BPTF: variants seen among roughly 807,000 people sequenced by gnomAD.
The protein encoded by BPTF is bromodomain PHD finger transcription factor.
Under a neutral mutation model 292.5 loss-of-function variants are expected in BPTF, and 18 were observed. The observed-to-expected ratio is 0.06, with a 90% CI of 0.04 to 0.09. BPTF has a LOEUF of 0.09. BPTF is among the 10% of genes least tolerant of loss of function. The pLI is 1.00. For missense variants in BPTF, 2,726 were observed against 3,498.7 expected, an observed-to-expected ratio of 0.78 and a Z score of 5.57; for synonymous variants, 1,225 against 1,251.9, an observed-to-expected ratio of 0.98 and a Z score of 0.45.
At chr17:67,862,410 A>G (rs2059139498) in intron 2 of BPTF, among the ~76,000 whole-genome samples, 1 of 152,212 alleles carries the variant, frequency 6.6e-6, no homozygotes, top group South Asian at 2.1e-4. Flanking sequence ...AATTCTAACA[A>G]CAGCATCTTC....
At chr17:67,881,976 A>G (rs564531568) in intron 4 of BPTF, among the ~76,000 whole-genome samples, 7 of 145,796 alleles carry the variant, frequency 4.8e-5, no homozygotes, top group Non-Finnish European at 8.9e-5. Context: ...CTGGGATTAC[A>G]GGCGCCCACA....
At chr17:67,975,988 A>G in intron 27 of BPTF, 30 bp downstream of exon 27, 1 of 1,555,798 alleles carries the variant, frequency 6.4e-7, no homozygotes, top group Non-Finnish European at 8.8e-7. Flanking sequence ...ATTCTGAATT[A>G]ATTCAACTCT....
At chr17:67,973,529 T>C (rs2069037914) in intron 26 of BPTF, among the ~76,000 whole-genome samples, 1 of 151,982 alleles carries the variant, frequency 6.6e-6, no homozygotes, top group Admixed American at 6.6e-5. Flanking sequence ...TTTGAGACAT[T>C]GTCTGGCTCT....
rs2063563165 is a variant in BPTF, at chr17:67,923,055, AC to A, written c.5708+66del. 1.2e-5 allele frequency: 16 copies of A among 1,370,030 alleles called. No individual in the cohort carries two copies. The South Asian group carries it at 1.7e-4, about 15-fold the overall frequency. 84.9% of individuals were successfully genotyped at this position (1,370,030 alleles called of 1,614,324 possible). On this transcript the variant is annotated intron_variant, in intron 14 of 27. Coordinates refer to ENST00000306378, the MANE Select transcript of BPTF (RefSeq NM_182641.4). ...TTTATCACTTCAGAATCAATAAATT[AC>A]TTTTTTTTTTTTTTTTTGAGACAGG...
At chr17:67,897,373 T>G (rs375814587) in intron 7 of BPTF, among the ~76,000 whole-genome samples, 2,038 of 96,356 alleles carry the variant, frequency 0.021, 51 homozygotes, top group African/African-American at 0.071. Flanking sequence ...AAAAAAAAAG[T>G]AAAGAAAGAG....
At position 67,825,979 on chromosome 17, in the gene BPTF, C is replaced by T. The variant is rs2055967244; in HGVS notation, c.255C>T (p.Pro85=). The change falls in exon 1 of 28, where the codon CCC becomes CCT. Residue 85 remains proline (P), a synonymous_variant. Coordinates refer to ENST00000306378, the MANE Select transcript of BPTF (RefSeq NM_182641.4). ...RKPPPPPPAP[P]STSAPGRGGR... Reference sequence around the variant, plus strand: ...CGCCGCCGCCGCCGCCGGCCCCCCCCAGCACCAGCGCCCCGGGCCGGGGGG... The same window carrying T: ...CGCCGCCGCCGCCGCCGGCCCCCCCTAGCACCAGCGCCCCGGGCCGGGGGG... 2 of 1,070,030 alleles carry T rather than the reference C, an allele frequency of 1.9e-6. No individual in the cohort carries two copies. Among genetic ancestry groups the T allele is most frequent in the Non-Finnish European group, 1.1e-6 (1 of 885,526 alleles). The allele number at this position is 1,070,030 out of a possible 1,614,324, so 66.3% of individuals were successfully genotyped here.
chr17:67,950,442 G>A (rs1225557325), intron 23 of BPTF, among the ~76,000 whole-genome samples: 1 of 152,046 alleles, frequency 6.6e-6, no homozygotes, highest in Non-Finnish European at 1.5e-5. Flanking sequence ...AATATGTTAA[G>A]CCAAGCAAAA....
intron 1 of BPTF, among the ~76,000 whole-genome samples, chr17:67,841,788 A>G (rs966837171): frequency 1.3e-5 from 2 of 152,042 alleles, no homozygotes; most frequent in African/African-American, 4.8e-5. Context: ...GTTTTGGACC[A>G]TTTACATTTA....
intron 10 of BPTF, among the ~76,000 whole-genome samples, chr17:67,910,510 ATATTT>A: frequency 6.6e-6 from 1 of 152,336 alleles, no homozygotes; most frequent in Non-Finnish European, 1.5e-5. Flanking sequence ...CTTTAAAAAA[ATATTT>A]TTGGCTGGGC....
Position 67,861,615 on chromosome 17 carries a change from C to T in BPTF, c.1437-4849C>T, listed in dbSNP as rs148458894. Among the ~76,000 whole-genome samples the T allele has an allele frequency of 3.9e-5, 6 of 152,264 alleles. No individual in the cohort carries two copies. In the East Asian group the frequency reaches 1.2e-3, roughly 29 times the overall value. Reference sequence around the variant, plus strand: ...ACAGATGTGAGCCACCATGCCCAGCCATAGCTGGATGATTTTTAAAACAGC... The same window carrying T: ...ACAGATGTGAGCCACCATGCCCAGCTATAGCTGGATGATTTTTAAAACAGC... On this transcript the variant is annotated intron_variant, in intron 2 of 27. Transcript: ENST00000306378.
intron 26 of BPTF, among the ~76,000 whole-genome samples, chr17:67,967,055 G>A (rs1194831830): frequency 2.0e-5 from 3 of 151,140 alleles, no homozygotes; most frequent in Admixed American, 6.6e-5. Context: ...AACAGAGATC[G>A]CGCCACTGCA....
chr17:67,929,299 G>T, intron 16 of BPTF, 37 bp from the exon 17 acceptor site: 1 of 1,611,388 alleles, frequency 6.2e-7, no homozygotes, highest in Non-Finnish European at 8.5e-7. Flanking sequence ...TTCCAATAAA[G>T]TGATAGTTTT....
At chr17:67,886,392 G>T (rs1466218190) in intron 4 of BPTF, 7 of 1,028,200 alleles carry the variant, frequency 6.8e-6, no homozygotes, top group Admixed American at 7.3e-5. Flanking sequence ...TGTGTGTGTG[G>T]TTTTTTGCTT....
intron 19 of BPTF, among the ~76,000 whole-genome samples, 173 bp downstream of exon 19, chr17:67,940,829 T>TA (rs1399182740): frequency 6.6e-6 from 1 of 152,190 alleles, no homozygotes; most frequent in African/African-American, 2.4e-5. Context: ...AAACCCCAAC[T>TA]ACTAGAGTAA....
intron 27 of BPTF, among the ~76,000 whole-genome samples, chr17:67,977,138 CAGTCAAGTTT>C (rs1555694418): frequency 6.6e-6 from 1 of 152,110 alleles, no homozygotes; most frequent in African/African-American, 2.4e-5. Context: ...TCTGTGCAGC[CAGTCAAGTTT>C]AGAGGCAGAA....
chr17:67,858,620 GCTGCCTGTC>G (rs1264235022), intron 2 of BPTF, among the ~76,000 whole-genome samples: 1 of 126,370 alleles, frequency 7.9e-6, no homozygotes, highest in African/African-American at 5.7e-5. Context: ...ATTCAGTGAT[GCTGCCTGTC>G]AGGGAGCCCG....
intron 19 of BPTF, among the ~76,000 whole-genome samples, chr17:67,943,348 G>A (rs147131865): frequency 3.9e-5 from 6 of 152,168 alleles, no homozygotes; most frequent in Non-Finnish European, 7.4e-5. Flanking sequence ...ATCAGTTTTG[G>A]TCATTGGGAG....
intron 24 of BPTF, among the ~76,000 whole-genome samples, chr17:67,962,839 T>C (rs1555684787): frequency 1.3e-5 from 2 of 152,256 alleles, no homozygotes; most frequent in African/African-American, 2.4e-5. Context: ...TTCCTTGTAG[T>C]GTAACTTCTA....
At chr17:67,920,555 G>T (rs2063364181) in intron 13 of BPTF, among the ~76,000 whole-genome samples, 1 of 152,170 alleles carries the variant, frequency 6.6e-6, no homozygotes, top group South Asian at 2.1e-4. Context: ...TCAAGGTAGA[G>T]ATAATCCAAG....
Sources: allele counts gnomAD v4.1 joint callset (sites outside exome capture counted in the v4.1 genomes callset), GRCh38; gene constraint gnomAD v4.1.1; transcripts MANE v1.5; gene names NCBI Gene and HGNC (gene_info 2026-07-23, HGNC 2026-07-21).